The following SPPL3 variants were observed in gnomAD, a reference collection of about 807,000 sequenced individuals.
SPPL3 encodes signal peptide peptidase like 3.
SPPL3 carries 5 observed loss-of-function variants against 42.4 expected under a neutral mutation model. That is an observed-to-expected ratio of 0.12 (90% confidence interval 0.06 to 0.25). The LOEUF is 0.25. Among genes scored for constraint, SPPL3 ranks in the 10% least tolerant of loss-of-function variants. SPPL3 has a pLI of 1.00. For missense variants in SPPL3, 235 were observed against 489.0 expected (o/e 0.48, Z 4.90); for synonymous variants, 195 against 181.8 (o/e 1.07, Z -0.58).
Position 120,766,266 on chromosome 12 carries a change from T to C in SPPL3, c.1080A>G (p.Leu360=), listed in dbSNP as rs1366515676. 1.3e-6 allele frequency: 2 copies of C among 1,576,954 alleles called. No individual in the cohort carries two copies. Among genetic ancestry groups the C allele is most frequent in the Non-Finnish European group, 8.6e-7 (1 of 1,160,888 alleles). The part of the protein sequence containing the change: ...TLLPLLTMAY[L]KGDLRRMWSE... ...GGTTTATAACTGCTGCTCTCACCTTTAAATAGGCCATCGTGAGGAGTGGCA... is the reference window on the plus strand; with the variant it reads ...GGTTTATAACTGCTGCTCTCACCTTCAAATAGGCCATCGTGAGGAGTGGCA... Residue 360 remains leucine, a synonymous_variant, in exon 10 of 11, where the codon TTA becomes TTG. Coordinates refer to ENST00000353487, the MANE Select transcript of SPPL3 (RefSeq NM_139015.5).
intron 1 of SPPL3, among the ~76,000 whole-genome samples, chr12:120,829,760 C>T (rs573941410): frequency 4.6e-5 from 7 of 151,996 alleles, no homozygotes; most frequent in East Asian, 1.9e-4. Flanking sequence ...TTTGGGAGGC[C>T]GAGGTGGGCG....
chr12:120,867,729 T>C (rs1254618710), intron 1 of SPPL3, among the ~76,000 whole-genome samples: 1 of 129,274 alleles, frequency 7.7e-6, no homozygotes, highest in Non-Finnish European at 1.6e-5. Context: ...ACTATGGTAT[T>C]AGACAATTCA....
At chr12:120,813,913 C>T (rs1056679965) in intron 1 of SPPL3, among the ~76,000 whole-genome samples, 2 of 152,150 alleles carry the variant, frequency 1.3e-5, no homozygotes, top group African/African-American at 2.4e-5. Context: ...GTTTTGCCCT[C>T]AGGCCCCCTC....
At chr12:120,806,378 G>A (rs906410183) in intron 2 of SPPL3, among the ~76,000 whole-genome samples, 3 of 151,620 alleles carry the variant, frequency 2.0e-5, no homozygotes, top group Non-Finnish European at 4.4e-5. Context: ...TTTTGACAAC[G>A]GTGCCAAGGT....
intron 1 of SPPL3, among the ~76,000 whole-genome samples, chr12:120,887,469 A>C (rs1873501894): frequency 6.6e-6 from 1 of 151,776 alleles, no homozygotes; most frequent in Non-Finnish European, 1.5e-5. Context: ...TCATGAAACC[A>C]CTCCTAGTCC....
intron 1 of SPPL3, among the ~76,000 whole-genome samples, chr12:120,823,567 T>C (rs1207904370): frequency 6.6e-6 from 1 of 152,212 alleles, no homozygotes; most frequent in African/African-American, 2.4e-5. Flanking sequence ...TGGCTCCGTA[T>C]TTTCTCCTTC....
At chr12:120,880,158 T>C (rs757532552) in intron 1 of SPPL3, among the ~76,000 whole-genome samples, 8 of 151,904 alleles carry the variant, frequency 5.3e-5, no homozygotes, top group Non-Finnish European at 8.8e-5. Context: ...AGACACATTA[T>C]TGAGTGAAAA....
Position 120,814,147 on chromosome 12 carries a change from CCTT to C in SPPL3, c.24-3264_24-3262del, listed in dbSNP as rs1163858324. Reference sequence around the variant, plus strand: ...AGCTGGAATGATAGGTATATTGTATCCTTCTCTCTTCCCCCCACACCAGGCTTT... The same window carrying C: ...AGCTGGAATGATAGGTATATTGTATCCTCTCTTCCCCCCACACCAGGCTTT... On this transcript the variant is annotated intron_variant, in intron 1 of 10. Transcript: ENST00000353487. 5.9e-5 allele frequency among the ~76,000 whole-genome samples: 9 copies of C among 152,256 alleles called. No individual in the cohort carries two copies. In the South Asian group the frequency reaches 1.7e-3, roughly 28 times the overall value.
chr12:120,851,325 T>C (rs75634990), intron 1 of SPPL3, among the ~76,000 whole-genome samples: 2 of 152,166 alleles, frequency 1.3e-5, no homozygotes, highest in Admixed American at 6.5e-5. Flanking sequence ...CATTTTCTCA[T>C]ACAGTTTTTT....
chr12:120,831,800 G>C (rs898081331), intron 1 of SPPL3, among the ~76,000 whole-genome samples: 1 of 152,076 alleles, frequency 6.6e-6, no homozygotes, highest in African/African-American at 2.4e-5. Flanking sequence ...TTGAGAGAAA[G>C]AATCTGATAA....
chr12:120,850,607 C>A (rs755812420), intron 1 of SPPL3, among the ~76,000 whole-genome samples: 5 of 150,438 alleles, frequency 3.3e-5, no homozygotes, highest in Admixed American at 3.3e-4. Flanking sequence ...GTTTTTCAAA[C>A]ACTTTCCCTT....
At chr12:120,784,362 A>C (rs1313143092) in intron 4 of SPPL3, 112 bp downstream of exon 4, 8 of 1,189,804 alleles carry the variant, frequency 6.7e-6, no homozygotes, top group Non-Finnish European at 9.2e-6. Context: ...GCCAAGATTT[A>C]TAAGGAAAAA....
intron 2 of SPPL3, among the ~76,000 whole-genome samples, chr12:120,808,204 T>C (rs997386876): frequency 6.6e-6 from 1 of 151,326 alleles, no homozygotes; most frequent in Non-Finnish European, 1.5e-5. Context: ...GGCTCAAACA[T>C]TCCTCCCAGC....
At chr12:120,822,924 T>C (rs1033758948) in intron 1 of SPPL3, among the ~76,000 whole-genome samples, 1 of 152,038 alleles carries the variant, frequency 6.6e-6, no homozygotes, top group Non-Finnish European at 1.5e-5. Flanking sequence ...TGCTAGGTAC[T>C]AGCACTCCAT....
intron 1 of SPPL3, among the ~76,000 whole-genome samples, chr12:120,861,068 T>C (rs1872604482): frequency 6.6e-6 from 1 of 152,228 alleles, no homozygotes; most frequent in South Asian, 2.1e-4. Context: ...AAACGCTATA[T>C]AAATACCTGT....
At chr12:120,793,898 T>C (rs1870007384) in intron 2 of SPPL3, among the ~76,000 whole-genome samples, 1 of 152,244 alleles carries the variant, frequency 6.6e-6, no homozygotes, top group African/African-American at 2.4e-5. Flanking sequence ...TGGAACATTC[T>C]ATAAATGTCA....
At chr12:120,812,713 G>A (rs984045333) in intron 1 of SPPL3, among the ~76,000 whole-genome samples, 1 of 152,176 alleles carries the variant, frequency 6.6e-6, no homozygotes, top group African/African-American at 2.4e-5. Context: ...GGTTATTTCA[G>A]AAAGGCAGCA....
At chr12:120,773,613 C>T (rs1035819854) in intron 6 of SPPL3, among the ~76,000 whole-genome samples, 10 of 152,144 alleles carry the variant, frequency 6.6e-5, no homozygotes, top group Non-Finnish European at 1.0e-4. Flanking sequence ...CACATGTAGA[C>T]GACCTGTCCC....
chr12:120,900,661 C>G (rs1165804783), intron 1 of SPPL3, among the ~76,000 whole-genome samples: 1 of 150,834 alleles, frequency 6.6e-6, no homozygotes, highest in Non-Finnish European at 1.5e-5. Flanking sequence ...AATCCCAGCA[C>G]TTTGGGAGGC....
Sources: allele counts gnomAD v4.1 joint callset (sites outside exome capture counted in the v4.1 genomes callset), GRCh38; gene constraint gnomAD v4.1.1; transcripts MANE v1.5; gene names NCBI Gene and HGNC (gene_info 2026-07-23, HGNC 2026-07-21).